GPHN: variants seen among roughly 807,000 people sequenced by gnomAD.
The protein encoded by GPHN is gephyrin.
GPHN carries 17 observed loss-of-function variants against 95.5 expected under a neutral mutation model. That is an observed-to-expected ratio of 0.18 (90% CI 0.12 to 0.27). The LOEUF is 0.27. Among genes scored for constraint, GPHN ranks in the 10% least tolerant of loss-of-function variants. The pLI, the probability that GPHN is intolerant of heterozygous loss-of-function variation, is 1.00. For synonymous variants in GPHN, 320 were observed against 322.5 expected, an observed-to-expected ratio of 0.99 and a Z score of 0.08; for missense variants, 660 against 978.1, an observed-to-expected ratio of 0.67 and a Z score of 4.34.
the GPHN span, among the ~76,000 whole-genome samples, chr14:67,342,047 C>T: frequency 2.6e-5 from 4 of 152,108 alleles, no homozygotes; most frequent in South Asian, 2.1e-4. Context: ...ACAAACACTG[C>T]GGAAGTCTGC....
the GPHN span, among the ~76,000 whole-genome samples, chr14:67,252,858 A>G: frequency 1.2e-4 from 18 of 152,244 alleles, no homozygotes; most frequent in African/African-American, 4.3e-4. Flanking sequence ...ATAAACAGAT[A>G]ATTTGACATT....
the GPHN span, chr14:67,648,440 GAATA>G: frequency 3.2e-6 from 1 of 312,580 alleles, no homozygotes; most frequent in African/African-American, 2.1e-5. Flanking sequence ...TTAAATACAA[GAATA>G]AATTGTCAAA....
At chr14:67,390,560 C>A in the GPHN span, 1 of 808,772 alleles carries the variant, frequency 1.2e-6, no homozygotes, top group Admixed American at 1.8e-5. Flanking sequence ...CGGCGGGTGC[C>A]AGGGGAAGGC....
At chr14:66,810,798 T>C (rs1368966361) in intron 3 of GPHN, among the ~76,000 whole-genome samples, 1 of 152,152 alleles carries the variant, frequency 6.6e-6, no homozygotes, top group East Asian at 1.9e-4. Context: ...ATTCTTCTAA[T>C]GGTGGTCCAT....
chr14:67,671,525 CAAAAAAACA>C, the GPHN span, among the ~76,000 whole-genome samples: 1 of 150,456 alleles, frequency 6.6e-6, no homozygotes, highest in South Asian at 2.1e-4. Context: ...GACTCTATCT[CAAAAAAACA>C]AAAAAAAGAA....
the GPHN span, among the ~76,000 whole-genome samples, chr14:67,622,815 A>G: frequency 2.7e-4 from 41 of 152,320 alleles, no homozygotes; most frequent in African/African-American, 9.1e-4. Flanking sequence ...GATTCCTGAC[A>G]AGAAGCGGTT....
At chr14:66,772,142 T>C (rs539978359) in intron 2 of GPHN, among the ~76,000 whole-genome samples, 1 of 152,066 alleles carries the variant, frequency 6.6e-6, no homozygotes, top group African/African-American at 2.4e-5. Flanking sequence ...GATAACCCTG[T>C]GTTGACCCTT....
chr14:67,066,504 A>G (rs545747794), intron 11 of GPHN, among the ~76,000 whole-genome samples: 4 of 152,226 alleles, frequency 2.6e-5, no homozygotes, highest in Admixed American at 1.3e-4. Context: ...GTTCTCCTTG[A>G]TAATGTCCTA....
the GPHN span, among the ~76,000 whole-genome samples, chr14:67,668,459 G>A: frequency 3.3e-5 from 5 of 152,148 alleles, no homozygotes; most frequent in Non-Finnish European, 5.9e-5. Context: ...ACTGTACTTT[G>A]GAGAAATACA....
intron 1 of GPHN, among the ~76,000 whole-genome samples, chr14:66,643,157 C>A (rs1412205869): frequency 6.6e-6 from 1 of 151,930 alleles, no homozygotes; most frequent in Non-Finnish European, 1.5e-5. Flanking sequence ...TGAAAAGATA[C>A]TCAACATAAA....
At chr14:67,359,953 C>G in the GPHN span, 1 of 555,860 alleles carries the variant, frequency 1.8e-6, no homozygotes, top group South Asian at 2.3e-5. Flanking sequence ...CCCCTCAATT[C>G]CGGTTCGCCT....
chr14:67,426,657 C>T, the GPHN span, among the ~76,000 whole-genome samples: 1 of 152,230 alleles, frequency 6.6e-6, no homozygotes, highest in Non-Finnish European at 1.5e-5. Flanking sequence ...CTCACCGCAA[C>T]CTCCGCCTCC....
rs539877177 is a variant in GPHN at position 66,694,877 on chromosome 14, G to C, written c.143+13692G>C. ...GCAATAAGAAAATGAACAACCCTAG[G>C]CCGAGCGCAGTGGCTCACGCCTGTA... On this transcript the variant is annotated intron_variant, in intron 2 of 22. Transcript: ENST00000478722. Among the ~76,000 whole-genome samples the C allele has an allele frequency of 4.6e-5, 7 of 152,292 alleles. No homozygotes were observed. The South Asian group carries it at 1.5e-3, about 32-fold the overall frequency.
At chr14:67,639,416 T>G in the GPHN span, among the ~76,000 whole-genome samples, 4 of 152,176 alleles carry the variant, frequency 2.6e-5, no homozygotes, top group Non-Finnish European at 5.9e-5. Context: ...TTTGGGGCCT[T>G]TTATATGACT....
chr14:66,561,778 T>G (rs1277613682), intron 1 of GPHN, among the ~76,000 whole-genome samples: 1 of 152,128 alleles, frequency 6.6e-6, no homozygotes, highest in South Asian at 2.1e-4. Flanking sequence ...GCAATAAAAA[T>G]TTGTTATTAT....
chr14:66,644,063 G>GT (rs1566752293), intron 1 of GPHN, among the ~76,000 whole-genome samples: 1 of 151,856 alleles, frequency 6.6e-6, no homozygotes. Context: ...CAATTAATCA[G>GT]TTTTTTGCTT....
chr14:66,975,499 G>A (rs1028649176), intron 9 of GPHN, among the ~76,000 whole-genome samples: 6 of 152,098 alleles, frequency 3.9e-5, no homozygotes, highest in Admixed American at 1.3e-4. Context: ...ACCCAAAGTC[G>A]TCTGAAAAGC....
the GPHN span, among the ~76,000 whole-genome samples, chr14:67,654,977 C>T: frequency 4.6e-4 from 61 of 132,426 alleles, no homozygotes; most frequent in East Asian, 0.012. Flanking sequence ...TGCAGCGAGC[C>T]GAGATTGCGC....
intron 2 of GPHN, among the ~76,000 whole-genome samples, chr14:66,708,165 A>G (rs2069270699): frequency 6.6e-6 from 1 of 152,130 alleles, no homozygotes; most frequent in Non-Finnish European, 1.5e-5. Context: ...TAGTTCTTCA[A>G]AGGCTCAAGC....
Sources: allele counts gnomAD v4.1 joint callset (sites outside exome capture counted in the v4.1 genomes callset), GRCh38; gene constraint gnomAD v4.1.1; transcripts MANE v1.5; gene names NCBI Gene and HGNC (gene_info 2026-07-23, HGNC 2026-07-21).